Variants in CYRIB observed in about 807,000 individuals in gnomAD.
The protein encoded by CYRIB is CYFIP related Rac1 interactor B, also known as CYFIP-related Rac1 interactor B.
Under a neutral mutation model 44.2 loss-of-function variants are expected in CYRIB, and 8 were observed. That is an observed-to-expected ratio of 0.18 (90% CI 0.11 to 0.33). The LOEUF is 0.33. CYRIB is among the 10% of genes least tolerant of loss of function. CYRIB has a pLI of 1.00. For synonymous variants in CYRIB, 131 were observed against 127.2 expected (o/e 1.03, Z -0.20); for missense variants, 185 against 382.8 (o/e 0.48, Z 4.31).
chr8:129,858,834 A>C (rs144489683), intron 5 of CYRIB, among the ~76,000 whole-genome samples: 185 of 152,320 alleles, frequency 1.2e-3, no homozygotes, highest in African/African-American at 3.6e-3. Flanking sequence ...TCCCTTAGGT[A>C]TCTGCCTCAA....
At chr8:129,974,548 A>G (rs950032025) in intron 1 of CYRIB, among the ~76,000 whole-genome samples, 3 of 152,120 alleles carry the variant, frequency 2.0e-5, no homozygotes, top group Admixed American at 1.3e-4. Flanking sequence ...ATTATGGATC[A>G]TTTTTAAAGT....
chr8:129,859,017 C>T (rs1005837360), intron 5 of CYRIB, among the ~76,000 whole-genome samples: 1 of 152,124 alleles, frequency 6.6e-6, no homozygotes, highest in African/African-American at 2.4e-5. Context: ...GACAGCTGGG[C>T]CCGGGGGACC....
intron 1 of CYRIB, among the ~76,000 whole-genome samples, chr8:130,002,774 A>G (rs1050872124): frequency 5.9e-5 from 9 of 152,202 alleles, no homozygotes; most frequent in Admixed American, 6.5e-5. Flanking sequence ...TCAGACACTT[A>G]GATTATTTCC....
In CYRIB at chr8:130,006,666, ATATATATG is replaced by A. The variant is rs1314006868; in HGVS notation, c.-296+9696_-296+9703del. 5.4e-5 allele frequency among the ~76,000 whole-genome samples: 5 copies of A among 92,744 alleles called. No homozygotes were observed. In the South Asian group the frequency reaches 1.5e-3, roughly 28 times the overall value. The allele number at this position is 92,744 out of a possible 152,430, so 60.8% of individuals were successfully genotyped here. On this transcript the variant is annotated intron_variant, in intron 1 of 14. Transcript: ENST00000401979. ...TATATATATACATATATATATGTAT[ATATATATG>A]TATATATATACACACATATATCTGG...
intron 4 of CYRIB, among the ~76,000 whole-genome samples, chr8:129,866,211 A>G (rs1452621470): frequency 6.6e-6 from 1 of 152,260 alleles, no homozygotes; most frequent in Non-Finnish European, 1.5e-5. Context: ...GTATGTGCCA[A>G]CATTTACATA....
chr8:129,873,483 T>C (rs938601780), intron 3 of CYRIB, among the ~76,000 whole-genome samples: 3 of 151,938 alleles, frequency 2.0e-5, no homozygotes, highest in African/African-American at 7.2e-5. Context: ...TCAGATTCAG[T>C]AGAGAAAAAT....
intron 3 of CYRIB, among the ~76,000 whole-genome samples, chr8:129,875,671 G>C (rs1384786235): frequency 6.6e-6 from 1 of 152,164 alleles, no homozygotes; most frequent in Non-Finnish European, 1.5e-5. Flanking sequence ...CTTCTATCAA[G>C]ACTAAACGTC....
chr8:129,901,739 A>C lies in CYRIB; in HGVS notation c.-11+1573T>G, dbSNP rs566397907. On this transcript the variant is annotated intron_variant, in intron 2 of 11. Transcript: ENST00000519824. ...TAGTAACAAACTACAGTAGTATTAG[A>C]AAACCTATGAATTTGTCATTAATAG... 46 of 152,354 alleles carry C rather than the reference A, an allele frequency of 3.0e-4. 1 individual carries two copies. Among genetic ancestry groups the C allele is most frequent in the Admixed American group, 2.5e-3 (39 of 15,304 alleles). The allele number at this position is 152,354 out of a possible 1,614,324, so 9.4% of individuals were successfully genotyped here. A position where few individuals can be genotyped will look rare whatever the true frequency, so the allele number is the denominator to read the frequency against.
intron 1 of CYRIB, among the ~76,000 whole-genome samples, chr8:129,977,827 C>T (rs2096020361): frequency 6.6e-6 from 1 of 152,112 alleles, no homozygotes. Context: ...CCACTGCTCC[C>T]GTCCTGTCCT....
chr8:129,846,533 T>A (rs1246136114), intron 11 of CYRIB, among the ~76,000 whole-genome samples: 1 of 152,222 alleles, frequency 6.6e-6, no homozygotes, highest in East Asian at 1.9e-4. Context: ...ACAAGCAATC[T>A]CTGTTTGAAG....
intron 11 of CYRIB, among the ~76,000 whole-genome samples, chr8:129,843,426 G>A (rs2037733449): frequency 6.6e-6 from 1 of 152,254 alleles, no homozygotes. Context: ...AGCACCAAGT[G>A]TGAGATAATC....
At chr8:129,978,406 T>C (rs578130128) in intron 1 of CYRIB, among the ~76,000 whole-genome samples, 1 of 152,232 alleles carries the variant, frequency 6.6e-6, no homozygotes, top group East Asian at 1.9e-4. Flanking sequence ...TTTGAACTTG[T>C]AGGAAAAACT....
chr8:130,002,291 T>C (rs10110808), intron 1 of CYRIB, among the ~76,000 whole-genome samples: 75,878 of 151,926 alleles, frequency 0.5, 20,948 homozygotes, highest in African/African-American at 0.75. Context: ...GGAGACCCCA[T>C]CTCTACAAAT....
chr8:129,999,397 CAG>C (rs1191342950), intron 1 of CYRIB, among the ~76,000 whole-genome samples: 2 of 152,236 alleles, frequency 1.3e-5, no homozygotes, highest in African/African-American at 4.8e-5. Flanking sequence ...CCCAGGAACA[CAG>C]AGTGAGCAAA....
At chr8:129,854,484 C>A (rs2045068090) in intron 6 of CYRIB, 141 bp from the exon 9 acceptor site, 1 of 598,932 alleles carries the variant, frequency 1.7e-6, no homozygotes, top group Non-Finnish European at 2.8e-6. Flanking sequence ...CTGGTATAAT[C>A]CAAGGTGGCT....
intron 2 of CYRIB, among the ~76,000 whole-genome samples, chr8:129,966,228 A>AT: frequency 6.6e-6 from 1 of 152,238 alleles, no homozygotes. Flanking sequence ...TGCAATGAGT[A>AT]TATGTTACAT....
chr8:130,011,105 T>C (rs1226762154), intron 1 of CYRIB, among the ~76,000 whole-genome samples: 2 of 151,970 alleles, frequency 1.3e-5, no homozygotes, highest in African/African-American at 4.8e-5. Context: ...TTAGGAACCT[T>C]CTAGAAGCCC....
At chr8:130,004,476 T>A (rs1225567614) in intron 1 of CYRIB, 1 of 152,212 alleles carries the variant, frequency 6.6e-6, no homozygotes, top group Non-Finnish European at 1.5e-5. Flanking sequence ...TTAAAAACTT[T>A]AAATAATATA....
intron 2 of CYRIB, among the ~76,000 whole-genome samples, chr8:129,898,752 AT>A (rs1481815072): frequency 1.3e-5 from 2 of 152,266 alleles, no homozygotes; most frequent in Non-Finnish European, 2.9e-5. Context: ...AATTTTCTAC[AT>A]TAATAAATCA....
Sources: allele counts gnomAD v4.1 joint callset (sites outside exome capture counted in the v4.1 genomes callset), GRCh38; gene constraint gnomAD v4.1.1; transcripts MANE v1.5; gene names NCBI Gene and HGNC (gene_info 2026-07-23, HGNC 2026-07-21).